The following SDK2 variants were observed in gnomAD, a reference collection of about 807,000 sequenced individuals.
SDK2 encodes the protein sidekick cell adhesion molecule 2.
In SDK2, 105 loss-of-function variants were observed where a neutral mutation model predicts 253.9. The ratio of observed to expected loss-of-function variants is 0.41; its 90% CI spans 0.35 to 0.49. The LOEUF (loss-of-function observed/expected upper bound fraction) is 0.49. SDK2 is among the 20% of genes least tolerant of loss of function. The probability of loss-of-function intolerance (pLI) is 0.06; values close to 1 mark genes in which losing one functional copy is unlikely to be tolerated. For synonymous variants in SDK2, 1,249 were observed against 1,234.9 expected, an observed-to-expected ratio of 1.01 and a Z score of -0.24; for missense variants, 2,608 against 3,003.0, an observed-to-expected ratio of 0.87 and a Z score of 3.07.
At chr17:73,532,700 C>A (rs546844270) in intron 1 of SDK2, among the ~76,000 whole-genome samples, 5 of 152,198 alleles carry the variant, frequency 3.3e-5, no homozygotes, top group Non-Finnish European at 7.3e-5. Flanking sequence ...AAGGGTACAA[C>A]ATTTCCAAGG....
At chr17:73,422,121 C>T (rs962822004) in intron 15 of SDK2, among the ~76,000 whole-genome samples, 166 bp downstream of exon 15, 11 of 152,174 alleles carry the variant, frequency 7.2e-5, no homozygotes, top group African/African-American at 2.7e-4. Context: ...TTAACCTTTG[C>T]AACATCCTGG....
intron 15 of SDK2, among the ~76,000 whole-genome samples, chr17:73,419,824 CA>C (rs2063214373): frequency 1.3e-5 from 2 of 149,922 alleles, no homozygotes; most frequent in Admixed American, 1.3e-4. Context: ...GTTGAGGCTG[CA>C]GTGAGCTGTG....
At chr17:73,584,550 GAGTC>G (rs1278994334) in intron 1 of SDK2, among the ~76,000 whole-genome samples, 1 of 152,208 alleles carries the variant, frequency 6.6e-6, no homozygotes, top group Non-Finnish European at 1.5e-5. Context: ...GCTTTGGAGA[GAGTC>G]AGCCCCTAGC....
chr17:73,594,329 CT>C (rs2045724446), intron 1 of SDK2, among the ~76,000 whole-genome samples: 1 of 152,154 alleles, frequency 6.6e-6, no homozygotes, highest in Non-Finnish European at 1.5e-5. Context: ...GTCTCATGTC[CT>C]CAGACTGCTC....
At chr17:73,360,187 C>G (rs2062628743) in intron 39 of SDK2, among the ~76,000 whole-genome samples, 1 of 152,220 alleles carries the variant, frequency 6.6e-6, no homozygotes, top group Non-Finnish European at 1.5e-5. Flanking sequence ...CGGGGCGGGG[C>G]TGGAGGCAGA....
intron 1 of SDK2, among the ~76,000 whole-genome samples, chr17:73,607,639 A>G (rs1468591874): frequency 6.6e-6 from 1 of 152,112 alleles, no homozygotes; most frequent in Admixed American, 6.5e-5. Flanking sequence ...GGGGTGCAGC[A>G]TTGAGGGCAG....
chr17:73,504,868 A>G (rs746038822), intron 2 of SDK2, among the ~76,000 whole-genome samples: 51 of 152,102 alleles, frequency 3.4e-4, no homozygotes, highest in Non-Finnish European at 7.4e-5. Flanking sequence ...TGCCAGCAGG[A>G]GCAGATCAGG....
At chr17:73,419,547 T>C (rs926860990) in intron 15 of SDK2, among the ~76,000 whole-genome samples, 2 of 151,916 alleles carry the variant, frequency 1.3e-5, no homozygotes, top group African/African-American at 2.4e-5. Context: ...ATAGTCTCTG[T>C]GTATATGTGG....
chr17:73,483,091 C>T (rs545670916), intron 2 of SDK2, among the ~76,000 whole-genome samples: 5 of 151,980 alleles, frequency 3.3e-5, no homozygotes, highest in South Asian at 2.1e-4. Context: ...TATACCTGCC[C>T]GCCCTGACCC....
At chr17:73,474,708 C>T (rs1021354055) in intron 2 of SDK2, among the ~76,000 whole-genome samples, 6 of 152,202 alleles carry the variant, frequency 3.9e-5, no homozygotes, top group Non-Finnish European at 7.3e-5. Flanking sequence ...TGCGTCCCCT[C>T]TCTCCCGAGG....
chr17:73,349,025 C>T (rs9906579), intron 43 of SDK2, among the ~76,000 whole-genome samples: 4,498 of 152,304 alleles, frequency 0.03, 217 homozygotes, highest in African/African-American at 0.097. Context: ...TTGGTGCAAA[C>T]GGGATTTTTG....
Position 73,361,811 on chromosome 17 carries a change from C to A in SDK2, c.5340G>T (p.Gly1780=). 7 of 1,606,204 alleles carry A rather than the reference C, an allele frequency of 4.4e-6. No individual in the cohort carries two copies. Among genetic ancestry groups the A allele is most frequent in the Non-Finnish European group, 6.0e-6 (7 of 1,176,178 alleles). Residue 1780 remains glycine, a synonymous_variant, in exon 39 of 45, where the codon GGG becomes GGT. Coordinates refer to ENST00000392650, the MANE Select transcript of SDK2 (RefSeq NM_001144952.2). This position sits in a 1 kb window ranked among gnomAD's most constrained non-coding sequence, Gnocchi z 4.1. ...VSKIVTVDVK[G]NSPLWLKVKD... is the part of the protein sequence containing the mutation. ...TCACCTTCAGCCACAGGGGGCTGTT[C>A]CCCTTCACGTCCACGGTCACGATCT...
intron 39 of SDK2, among the ~76,000 whole-genome samples, chr17:73,358,583 G>A (rs1029611881): frequency 6.6e-6 from 1 of 152,132 alleles, no homozygotes; most frequent in Non-Finnish European, 1.5e-5. Flanking sequence ...CTTTTGGAAG[G>A]TAAGGCTTGA....
Position 73,639,428 on chromosome 17 carries a change from G to C in SDK2, c.64+4597C>G, listed in dbSNP as rs537272170. ...GCCCAGCACATGGACAGCAGGGGTG[G>C]GACACCTAGGGGAGGGGGCACCCGG... On this transcript the variant is annotated intron_variant, in intron 1 of 44. Transcript: ENST00000392650. This position sits in a 1 kb window ranked among gnomAD's most constrained non-coding sequence, Gnocchi z 4.3. Among the ~76,000 whole-genome samples the C allele has an allele frequency of 7.1e-4, 108 of 152,254 alleles. No individual in the cohort carries two copies. The highest frequency in any genetic ancestry group is 1.1e-3 in the Non-Finnish European group (78 of 67,992).
intron 12 of SDK2, among the ~76,000 whole-genome samples, chr17:73,428,460 G>A (rs757371609): frequency 2.6e-5 from 4 of 152,140 alleles, no homozygotes; most frequent in Admixed American, 2.0e-4. Context: ...CTCTGAGGAC[G>A]TGTCACTCAG....
chr17:73,424,834 G>A (rs1200757991), intron 12 of SDK2, among the ~76,000 whole-genome samples: 2 of 152,182 alleles, frequency 1.3e-5, no homozygotes, highest in African/African-American at 4.8e-5. Context: ...ACAGGGTGGG[G>A]GCCTGAGCTG....
Position 73,422,172 on chromosome 17 carries a change from G to A in SDK2, c.2045+115C>T, listed in dbSNP as rs549963976. ...GATTGCTCTCCCCTTCTACAGAGGC[G>A]GAAGCCTAGAGGGGGCCAGGAGGAG... On this transcript the variant is annotated intron_variant, in intron 15 of 44. Transcript: ENST00000392650. 3.2e-5 allele frequency: 37 copies of A among 1,173,128 alleles called. No individual in the cohort carries two copies. In the East Asian group the frequency reaches 7.4e-4, roughly 23 times the overall value. 72.7% of individuals were successfully genotyped at this position (1,173,128 alleles called of 1,614,324 possible).
In SDK2 at chr17:73,496,313, AG is replaced by A. The variant is rs1356420107; in HGVS notation, c.224+11124del. ...TAGGCAACCGAGGCAGGGATTAGGC[AG>A]TTTGCTCAAAGGCACACAGTGAGTC... On this transcript the variant is annotated intron_variant, in intron 2 of 44. Transcript: ENST00000392650. The surrounding 1 kb of genome is among the most constrained non-coding windows in gnomAD (Gnocchi z 4.7). Among the ~76,000 whole-genome samples, 4 of 152,316 alleles carry A rather than the reference AG, an allele frequency of 2.6e-5. No homozygotes were observed. In the East Asian group the frequency reaches 7.7e-4, roughly 29 times the overall value.
intron 1 of SDK2, among the ~76,000 whole-genome samples, chr17:73,512,203 G>A (rs1232403480): frequency 6.6e-6 from 1 of 152,182 alleles, no homozygotes; most frequent in Non-Finnish European, 1.5e-5. Context: ...AATTGGAGAT[G>A]TGTTTGCTTT....
Sources: allele counts gnomAD v4.1 joint callset (sites outside exome capture counted in the v4.1 genomes callset), GRCh38; gene constraint gnomAD v4.1.1; non-coding constraint Gnocchi (gnomAD v3.1); transcripts MANE v1.5; gene names NCBI Gene and HGNC (gene_info 2026-07-23, HGNC 2026-07-21).